The following OCA2 variants were observed in gnomAD, a reference collection of about 807,000 sequenced individuals.
OCA2 encodes the protein OCA2 melanosomal transmembrane protein.
OCA2 carries 77 observed loss-of-function variants against 100.2 expected under a neutral mutation model. That is an observed-to-expected ratio of 0.77 (90% confidence interval 0.64 to 0.93). The LOEUF (loss-of-function observed/expected upper bound fraction) is 0.93. OCA2 is among the 40% of genes least tolerant of loss of function. OCA2 has a pLI of 0.00. For missense variants in OCA2, 1,062 were observed against 1,089.1 expected (o/e 0.98, Z 0.35); for synonymous variants, 432 against 439.2 (o/e 0.98, Z 0.21).
chr15:27,829,979 T>C (rs2034888833), intron 23 of OCA2, among the ~76,000 whole-genome samples: 1 of 152,232 alleles, frequency 6.6e-6, no homozygotes, highest in African/African-American at 2.4e-5. Context: ...TATAAAGATG[T>C]TAATTCTCTT....
intron 19 of OCA2, among the ~76,000 whole-genome samples, chr15:27,924,802 C>T (rs1490601497): frequency 3.9e-5 from 6 of 152,034 alleles, no homozygotes; most frequent in Admixed American, 1.3e-4. Flanking sequence ...AAGTAGCAGA[C>T]GTGAAGCCAA....
At chr15:28,054,440 C>T (rs1459796449) in intron 2 of OCA2, among the ~76,000 whole-genome samples, 1 of 152,166 alleles carries the variant, frequency 6.6e-6, no homozygotes, top group Non-Finnish European at 1.5e-5. Context: ...AGAGGAGCCC[C>T]ACCTCAACGT....
intron 2 of OCA2, among the ~76,000 whole-genome samples, chr15:28,073,107 T>C (rs904884440): frequency 1.9e-4 from 29 of 152,180 alleles, no homozygotes; most frequent in African/African-American, 6.5e-4. Context: ...TGGAATACTA[T>C]GCAGCCATAA....
At chr15:27,933,566 C>T (rs1352179900) in intron 18 of OCA2, among the ~76,000 whole-genome samples, 1 of 152,138 alleles carries the variant, frequency 6.6e-6, no homozygotes, top group Non-Finnish European at 1.5e-5. Flanking sequence ...AAAAGAGAGT[C>T]AGCGAAGGGA....
the OCA2 span, among the ~76,000 whole-genome samples, chr15:27,742,453 C>A: frequency 0.014 from 2,111 of 152,124 alleles, 47 homozygotes; most frequent in African/African-American, 0.048. Flanking sequence ...GGGAGGGGGA[C>A]AAAAGCCAAT....
intron 19 of OCA2, among the ~76,000 whole-genome samples, chr15:27,904,680 C>T (rs2038100572): frequency 1.3e-5 from 2 of 152,204 alleles, no homozygotes; most frequent in Admixed American, 6.5e-5. Flanking sequence ...TACTCCAGCA[C>T]AAACTGGGGA....
At chr15:27,831,976 G>A (rs1265287885) in intron 23 of OCA2, among the ~76,000 whole-genome samples, 1 of 151,052 alleles carries the variant, frequency 6.6e-6, no homozygotes, top group Admixed American at 6.6e-5. Context: ...AGCCCCCCGT[G>A]CTCAGGCGCC....
At chr15:27,781,282 G>T (rs1369697524) in intron 23 of OCA2, among the ~76,000 whole-genome samples, 1 of 152,150 alleles carries the variant, frequency 6.6e-6, no homozygotes, top group Admixed American at 6.5e-5. Flanking sequence ...TTCTTTTTCA[G>T]GTCCAGCACA....
chr15:27,929,290 T>C (rs887952421), intron 18 of OCA2, among the ~76,000 whole-genome samples: 2 of 152,208 alleles, frequency 1.3e-5, no homozygotes, highest in African/African-American at 4.8e-5. Flanking sequence ...CAATGTGATA[T>C]TGCATCAAAA....
At chr15:28,038,477 T>A (rs1422845943) in intron 2 of OCA2, among the ~76,000 whole-genome samples, 2 of 152,166 alleles carry the variant, frequency 1.3e-5, no homozygotes, top group African/African-American at 4.8e-5. Context: ...CTTTGCATAG[T>A]GGCCCTATGC....
chr15:27,809,117 G>A (rs2033977323), intron 23 of OCA2, among the ~76,000 whole-genome samples: 1 of 152,134 alleles, frequency 6.6e-6, no homozygotes, highest in African/African-American at 2.4e-5. Flanking sequence ...TCTTGCCCTT[G>A]TGGGCTTCTT....
intron 23 of OCA2, among the ~76,000 whole-genome samples, chr15:27,770,379 AG>A (rs1159053722): frequency 6.6e-6 from 1 of 152,188 alleles, no homozygotes; most frequent in Non-Finnish European, 1.5e-5. Flanking sequence ...TCAGACCTCC[AG>A]CCGTGTGTGG....
At chr15:27,930,590 G>C (rs925946931) in intron 18 of OCA2, among the ~76,000 whole-genome samples, 3 of 135,292 alleles carry the variant, frequency 2.2e-5, no homozygotes, top group African/African-American at 5.0e-5. Context: ...ATTTGTGAGA[G>C]AGAGTGTCTG....
At chr15:27,992,564 G>A (rs113834918) in intron 9 of OCA2, among the ~76,000 whole-genome samples, 11 of 152,184 alleles carry the variant, frequency 7.2e-5, no homozygotes, top group East Asian at 1.9e-4. Flanking sequence ...TGTCCTATCC[G>A]CCCTACAGAG....
At chr15:27,907,008 T>G (rs2038203837) in intron 19 of OCA2, among the ~76,000 whole-genome samples, 2 of 152,082 alleles carry the variant, frequency 1.3e-5, no homozygotes, top group Non-Finnish European at 2.9e-5. Context: ...GAGTGAGAAC[T>G]CATTACCACA....
chr15:27,809,478 C>G (rs1184859202), intron 23 of OCA2, among the ~76,000 whole-genome samples: 1 of 152,180 alleles, frequency 6.6e-6, no homozygotes, highest in Non-Finnish European at 1.5e-5. Context: ...AGGATGCTCT[C>G]TCTCAACACT....
At chr15:27,822,144 G>A (rs1390241764) in intron 23 of OCA2, among the ~76,000 whole-genome samples, 5 of 152,102 alleles carry the variant, frequency 3.3e-5, no homozygotes, top group African/African-American at 1.2e-4. Flanking sequence ...CTGAGCACGT[G>A]TGTCATAAAA....
chr15:27,724,372 C>G, the OCA2 span, among the ~76,000 whole-genome samples: 9 of 152,068 alleles, frequency 5.9e-5, no homozygotes, highest in African/African-American at 1.7e-4. Context: ...TAATCATCAC[C>G]CCTCTGTGCA....
Position 27,989,585 on chromosome 15 carries a change from G to C in OCA2, c.1182+16C>G. ...GCAGGCGTGGAGCCCAGTCCCACGG[G>C]GAGAGCTGTAATTACCATGCCAAAC... On this transcript the variant is annotated intron_variant, in intron 11 of 23. Coordinates refer to ENST00000354638, the MANE Select transcript of OCA2 (RefSeq NM_000275.3). 1 of 1,611,992 alleles carries C rather than the reference G, an allele frequency of 6.2e-7. No homozygotes were observed. The highest frequency in any genetic ancestry group is 2.2e-5 in the East Asian group (1 of 44,846).
Sources: gnomAD v4.1 joint callset for allele counts (sites outside exome capture counted in the v4.1 genomes callset) on GRCh38, gnomAD v4.1.1 for gene constraint, MANE v1.5 for transcripts, NCBI Gene and HGNC (gene_info 2026-07-23, HGNC 2026-07-21) for gene names.